Variants in MAMDC4 observed in about 807,000 individuals in gnomAD.
MAMDC4 encodes apical endosomal glycoprotein.
Under a neutral mutation model 153.3 loss-of-function variants are expected in MAMDC4, and 168 were observed. That is an observed-to-expected ratio of 1.10 (90% CI 0.97 to 1.25). The LOEUF is 1.25. MAMDC4 is among the 50% of genes most tolerant of loss of function. The pLI, the probability that MAMDC4 is intolerant of heterozygous loss-of-function variation, is 0.00. For synonymous variants in MAMDC4, 744 were observed against 651.5 expected, an observed-to-expected ratio of 1.14 and a Z score of -2.16; for missense variants, 1,701 against 1,542.8, an observed-to-expected ratio of 1.10 and a Z score of -1.72.
Position 136,859,302 on chromosome 9 carries a change from C to A in MAMDC4, c.3178C>A (p.Pro1060Thr), listed in dbSNP as rs749634000. 1.2e-6 allele frequency: 2 copies of A among 1,611,236 alleles called. No homozygotes were observed. Among genetic ancestry groups the A allele is most frequent in the East Asian group, 2.2e-5 (1 of 44,848 alleles). The stretch of plus-strand genomic sequence containing the variant: ...TCTGGCTGGGCAGCATTGCCAGCAG[C>A]CTGCCCCCAGCCCGGGTGAGCCCTG... ...EYLAGQHCQQ[P>T]APSPGNTAAP... The change falls in exon 25 of 27, where the codon CCT (proline) becomes ACT (threonine). Residue 1060 changes from proline to threonine, a missense_variant. Coordinates refer to ENST00000317446, the MANE Select transcript of MAMDC4 (RefSeq NM_206920.3).
rs781686499 is a variant in MAMDC4, at chr9:136,858,716, C to T, written c.2822-3C>T. Reference sequence around the variant, plus strand: ...CTGGGCATCAGCCTCCTCTTGTTCCCAGGCCACTTTGCCTTCTTTGAAACT... The same window carrying T: ...CTGGGCATCAGCCTCCTCTTGTTCCTAGGCCACTTTGCCTTCTTTGAAACT... On this transcript the variant is annotated splice_polypyrimidine_tract_variant and splice_region_variant and intron_variant, in intron 22 of 26. Transcript: ENST00000317446. 2 of 1,612,134 alleles carry T rather than the reference C, an allele frequency of 1.2e-6. No individual in the cohort carries two copies. The highest frequency in any genetic ancestry group is 2.2e-5 in the South Asian group (2 of 91,070).
intron 10 of MAMDC4, 22 bp from the exon 11 acceptor site, chr9:136,855,232 C>T (rs543327263): frequency 4.8e-4 from 759 of 1,581,030 alleles, no homozygotes; most frequent in Non-Finnish European, 6.3e-4. Context: ...GCTGGGCACC[C>T]CCTGAGCCCC....
chr9:136,855,206 C>A (rs1177399932), intron 10 of MAMDC4, 48 bp from the exon 11 acceptor site: 6 of 1,578,262 alleles, frequency 3.8e-6, no homozygotes, highest in Non-Finnish European at 5.2e-6. Flanking sequence ...AGGGACCAGA[C>A]CCCAGGGGGA....
In MAMDC4 at chr9:136,855,427, A is replaced by T; in HGVS notation, c.1283-4A>T. ...GCCTCCTGACACCAGTTCTGCCCCC[A>T]CAGAGGTGTCCACCCTGCAGCCGCT... On this transcript the variant is annotated splice_polypyrimidine_tract_variant and splice_region_variant and intron_variant, in intron 11 of 26. Coordinates refer to ENST00000317446, the MANE Select transcript of MAMDC4 (RefSeq NM_206920.3). 1 of 1,608,470 alleles carries T rather than the reference A, an allele frequency of 6.2e-7. No individual in the cohort carries two copies. Among genetic ancestry groups the T allele is most frequent in the Non-Finnish European group, 8.5e-7 (1 of 1,177,834 alleles).
At position 136,855,222 on chromosome 9, in the gene MAMDC4, G is replaced by A. The variant is rs146614967; in HGVS notation, c.1198-32G>A. The A allele has an allele frequency of 1.5e-3, 2,342 of 1,577,820 alleles. 34 individuals carry two copies. In the African/African-American group the frequency reaches 0.028, roughly 19 times the overall value. On this transcript the variant is annotated intron_variant, in intron 10 of 26. Coordinates refer to ENST00000317446, the MANE Select transcript of MAMDC4 (RefSeq NM_206920.3). The stretch of plus-strand genomic sequence containing the variant: ...GGGACCAGACCCCAGGGGGAAATAG[G>A]CTGGGCACCCCCTGAGCCCCTCTGC...
chr9:136,855,834 G>A lies in MAMDC4; in HGVS notation c.1574G>A (p.Ser525Asn). ...TCAGCCCAGGAGAGCCAGGGGTCCA[G>A]TGCAGCTGCTGCTGGTGAGGCCCAA... is the stretch of plus-strand genomic sequence containing the variant. ...RVSAQESQGS[S>N]AAAAGHFLSL... The change falls in exon 13 of 27, where the codon AGT becomes AAT. Residue 525 changes from serine (S) to asparagine (N), a missense_variant. Physicochemically the swap from Ser to Asn is conservative, Grantham distance 46. Coordinates refer to ENST00000317446, the MANE Select transcript of MAMDC4 (RefSeq NM_206920.3). The A allele has an allele frequency of 6.6e-7, 1 of 1,515,110 alleles. No individual in the cohort carries two copies. The highest frequency in any genetic ancestry group is 8.8e-7 in the Non-Finnish European group (1 of 1,130,450). 93.9% of individuals were successfully genotyped at this position (1,515,110 alleles called of 1,614,324 possible).
chr9:136,858,049 T>C lies in MAMDC4; in HGVS notation c.2535T>C (p.Leu845=), dbSNP rs892832366. The C allele has an allele frequency of 2.1e-5, 32 of 1,528,624 alleles. No individual in the cohort carries two copies. Among genetic ancestry groups the C allele is most frequent in the Non-Finnish European group, 2.5e-5 (29 of 1,139,770 alleles). The allele number at this position is 1,528,624 out of a possible 1,614,324, so 94.7% of individuals were successfully genotyped here. A position where few individuals can be genotyped will look rare whatever the true frequency, so the allele number is the denominator to read the frequency against. The part of the protein sequence containing the change: ...QVLSLSAHGG[L]AWRLGSMDVQ... Reference sequence around the variant, plus strand: ...TCAGCCTCAGTGCCCACGGCGGGCTTGCCTGGCGCCTGGGCAGCATGGACG... The same window carrying C: ...TCAGCCTCAGTGCCCACGGCGGGCTCGCCTGGCGCCTGGGCAGCATGGACG... Residue 845 remains leucine (L), a synonymous_variant, in exon 20 of 27, where the codon CTT becomes CTC. Transcript: ENST00000317446.
rs529503466 is a variant in MAMDC4, at chr9:136,860,734, G to A, written c.*131G>A. ...TCTCAGGATATGCTGAGGCCTGGGCGTTCCCTGCCCTGTGCTGACTCTGTT... is the reference window on the plus strand; with the variant it reads ...TCTCAGGATATGCTGAGGCCTGGGCATTCCCTGCCCTGTGCTGACTCTGTT... On this transcript the variant is annotated 3_prime_UTR_variant, in exon 27 of 27. Transcript: ENST00000317446. 62 of 960,362 alleles carry A rather than the reference G, an allele frequency of 6.5e-5. 2 individuals carry two copies. Among genetic ancestry groups the A allele is most frequent in the South Asian group, 3.3e-4 (23 of 70,262 alleles). 59.5% of individuals were successfully genotyped at this position (960,362 alleles called of 1,614,324 possible). A position where few individuals can be genotyped will look rare whatever the true frequency, so the allele number is the denominator to read the frequency against.
intron 1 of MAMDC4, 148 bp downstream of exon 1, chr9:136,852,610 G>A (rs534395904): frequency 1.3e-5 from 13 of 1,021,472 alleles, no homozygotes; most frequent in Non-Finnish European, 1.8e-5. Flanking sequence ...CGGCCTGCAA[G>A]GGGGGTGACC....
rs564272753 is a variant in MAMDC4, at chr9:136,857,069, C to T, written c.1972+28C>T. On this transcript the variant is annotated intron_variant, in intron 16 of 26. Coordinates refer to ENST00000317446, the MANE Select transcript of MAMDC4 (RefSeq NM_206920.3). ...GAGTGGACCTGGAAACAGGGCAGAG[C>T]CTGTGGGGAGGCCCCCGGGGGTTCA... is the stretch of plus-strand genomic sequence containing the variant. The T allele has an allele frequency of 6.2e-6, 10 of 1,604,920 alleles. No homozygotes were observed. The South Asian group carries it at 1.1e-4, about 18-fold the overall frequency.
At chr9:136,858,157 C>G in intron 20 of MAMDC4, 29 bp from the exon 21 acceptor site, 1 of 1,551,112 alleles carries the variant, frequency 6.4e-7, no homozygotes, top group Non-Finnish European at 8.7e-7. Context: ...CCTGGACCCG[C>G]TGAGGCTGCC....
chr9:136,858,736 G>A lies in MAMDC4; in HGVS notation c.2839G>A (p.Glu947Lys). 6.2e-7 allele frequency: 1 copy of A among 1,612,030 alleles called. No individual in the cohort carries two copies. The highest frequency in any genetic ancestry group is 8.5e-7 in the Non-Finnish European group (1 of 1,179,696). Residue 947 changes from glutamate to lysine, a missense_variant, in exon 23 of 27, where the codon GAA becomes AAA. By Grantham distance (56) the Glu-to-Lys change is moderately conservative. Transcript: ENST00000317446. Reference sequence around the variant, plus strand: ...GTTCCCAGGCCACTTTGCCTTCTTTGAAACTGGCGTGCTGGGCCCCGGGGG... The same window carrying A: ...GTTCCCAGGCCACTTTGCCTTCTTTAAAACTGGCGTGCTGGGCCCCGGGGG... ...GTEAGHFAFF[E>K]TGVLGPGGRA... is the part of the protein sequence containing the mutation.
rs1165085678 is a variant in MAMDC4 at position 136,853,337 on chromosome 9, G to A, written c.207G>A (p.Glu69=). Residue 69 remains glutamate, a synonymous_variant, in exon 3 of 27, where the codon GAG becomes GAA. Transcript: ENST00000317446. ...GCGCCCCCTTCGCCTGTGACTTCGAGCAGGACCCCTGCGGCTGGCGGGACA... is the reference window on the plus strand; with the variant it reads ...GCGCCCCCTTCGCCTGTGACTTCGAACAGGACCCCTGCGGCTGGCGGGACA... ...TLGAPFACDF[E]QDPCGWRDIS... 1.2e-6 allele frequency: 2 copies of A among 1,606,940 alleles called. No individual in the cohort carries two copies. Among genetic ancestry groups the A allele is most frequent in the African/African-American group, 1.3e-5 (1 of 74,952 alleles).
rs188019533 is a variant in MAMDC4, at chr9:136,858,761, G to A, written c.2864G>A (p.Gly955Asp). The A allele has an allele frequency of 5.0e-6, 8 of 1,611,010 alleles. No individual in the cohort carries two copies. Among genetic ancestry groups the A allele is most frequent in the Non-Finnish European group, 5.1e-6 (6 of 1,179,286 alleles). Residue 955 changes from glycine to aspartate, a missense_variant, in exon 23 of 27, where the codon GGC becomes GAC. Gly to Asp is a moderately conservative substitution (Grantham distance 94). Coordinates refer to ENST00000317446, the MANE Select transcript of MAMDC4 (RefSeq NM_206920.3). Reference protein sequence around the residue: ...FFETGVLGPGGRAAWLRSEPL... With the variant: ...FFETGVLGPGDRAAWLRSEPL... ...GAAACTGGCGTGCTGGGCCCCGGGG[G>A]CCGGGCCGCCTGGCTGCGCAGCGAG...
In MAMDC4 at chr9:136,855,125, G is replaced by A. The variant is rs1412581893; in HGVS notation, c.1197+15G>A. 1.3e-6 allele frequency: 2 copies of A among 1,567,462 alleles called. No homozygotes were observed. The highest frequency in any genetic ancestry group is 1.7e-6 in the Non-Finnish European group (2 of 1,156,618). ...ACCCCTTCCAGGTAGGGAACAGCAAGAGGGTGGGGTCTGGGGAGCCGCACT... is the reference window on the plus strand; with the variant it reads ...ACCCCTTCCAGGTAGGGAACAGCAAAAGGGTGGGGTCTGGGGAGCCGCACT... On this transcript the variant is annotated intron_variant, in intron 10 of 26. Coordinates refer to ENST00000317446, the MANE Select transcript of MAMDC4 (RefSeq NM_206920.3).
Position 136,858,772 on chromosome 9 carries a change from T to C in MAMDC4, c.2875T>C (p.Trp959Arg). 2 of 1,610,988 alleles carry C rather than the reference T, an allele frequency of 1.2e-6. No individual in the cohort carries two copies. The highest frequency in any genetic ancestry group is 3.3e-4 in the Middle Eastern group (2 of 6,052). ...GCTGGGCCCCGGGGGCCGGGCCGCC[T>C]GGCTGCGCAGCGAGCCTCTGCCGGC... ...GVLGPGGRAA[W>R]LRSEPLPATP... The change falls in exon 23 of 27, where the codon TGG (tryptophan) becomes CGG (arginine). Residue 959 changes from tryptophan to arginine, a missense_variant. Physicochemically the swap from Trp to Arg is moderately radical, Grantham distance 101. Transcript: ENST00000317446.
At position 136,856,118 on chromosome 9, in the gene MAMDC4, C is replaced by A; in HGVS notation, c.1689C>A (p.His563Gln). 6.2e-7 allele frequency: 1 copy of A among 1,612,514 alleles called. No individual in the cohort carries two copies. The change falls in exon 14 of 27, where the codon CAC becomes CAA. Residue 563 changes from histidine (H) to glutamine (Q), a missense_variant. Physicochemically the swap from His to Gln is conservative, Grantham distance 24. Coordinates refer to ENST00000317446, the MANE Select transcript of MAMDC4 (RefSeq NM_206920.3). ...LGPSGPSCEL[H>Q]LAYYLQSQPR... is the part of the protein sequence containing the mutation. Reference sequence around the variant, plus strand: ...CTTCTGGCCCCAGCTGTGAACTCCACCTGGCTTATTATTTACAGAGCCAGC... The same window carrying A: ...CTTCTGGCCCCAGCTGTGAACTCCAACTGGCTTATTATTTACAGAGCCAGC...
At chr9:136,853,745 C>A in intron 4 of MAMDC4, 32 bp from the exon 5 acceptor site, 1 of 1,606,176 alleles carries the variant, frequency 6.2e-7, no homozygotes, top group African/African-American at 1.3e-5. Flanking sequence ...ACAAGCAGGG[C>A]CGCAGCTGCC....
chr9:136,852,578 G>A (rs1269620443), intron 1 of MAMDC4, 116 bp downstream of exon 1: 4 of 1,339,606 alleles, frequency 3.0e-6, no homozygotes, highest in African/African-American at 1.4e-5. Context: ...AGGGAAGGAG[G>A]GTTGCAAGGT....
Sources: gnomAD v4.1 joint callset for allele counts on GRCh38, gnomAD v4.1.1 for gene constraint, MANE v1.5 for transcripts, NCBI Gene and HGNC (gene_info 2026-07-23, HGNC 2026-07-21) for gene names.